The following ANO3 variants were observed in gnomAD, a reference collection of about 807,000 sequenced individuals.
The protein encoded by ANO3 is anoctamin 3.
ANO3 carries 99 observed loss-of-function variants against 144.8 expected under a neutral mutation model. The ratio of observed to expected loss-of-function variants is 0.68; its 90% CI spans 0.58 to 0.81. ANO3 has a LOEUF of 0.81. ANO3 is among the 30% of genes least tolerant of loss of function. The pLI is 0.00. For synonymous variants in ANO3, 414 were observed against 392.6 expected, an observed-to-expected ratio of 1.05 and a Z score of -0.64; for missense variants, 905 against 1,202.2, an observed-to-expected ratio of 0.75 and a Z score of 3.66.
intron 4 of ANO3, among the ~76,000 whole-genome samples, chr11:26,495,165 C>A (rs1860881759): frequency 6.6e-6 from 1 of 151,624 alleles, no homozygotes; most frequent in Non-Finnish European, 1.5e-5. Flanking sequence ...AGTACAGTGG[C>A]ACAAACACAG....
At chr11:26,342,292 CA>C (rs762931875) in intron 1 of ANO3, among the ~76,000 whole-genome samples, 187 of 152,216 alleles carry the variant, frequency 1.2e-3, no homozygotes, top group Non-Finnish European at 1.9e-3. Flanking sequence ...GTGTCGCCTC[CA>C]AAATTCGTGT....
chr11:26,437,164 C>T (rs1858325894), intron 1 of ANO3, among the ~76,000 whole-genome samples: 1 of 152,188 alleles, frequency 6.6e-6, no homozygotes, highest in Non-Finnish European at 1.5e-5. Flanking sequence ...GCTCAGCCCC[C>T]TGGACTCAGC....
chr11:26,575,291 A>C (rs1281183260), intron 14 of ANO3, among the ~76,000 whole-genome samples: 1 of 151,894 alleles, frequency 6.6e-6, no homozygotes, highest in Non-Finnish European at 1.5e-5. Flanking sequence ...TGATTACTCA[A>C]TTCTAATTGT....
chr11:26,537,511 A>G (rs570738303), intron 10 of ANO3, 50 bp downstream of exon 10: 18 of 1,445,788 alleles, frequency 1.2e-5, no homozygotes, highest in South Asian at 4.6e-5. Flanking sequence ...TTCATGCTCA[A>G]TGCTTGGTCC....
intron 8 of ANO3, among the ~76,000 whole-genome samples, chr11:26,532,776 A>G (rs293938): frequency 0.99 from 150,496 of 152,098 alleles, 74,483 homozygotes; most frequent in Middle Eastern, 1. Context: ...CACCACCTCC[A>G]AGAGACTGGC....
In ANO3 at chr11:26,499,662, C is replaced by A. The variant is rs553143118; in HGVS notation, c.433-8442C>A. On this transcript the variant is annotated intron_variant, in intron 4 of 26. Transcript: ENST00000256737. ...TTGTTTTATTTCGATTTTTATGTTG[C>A]CTATTCCTGCATGAATACCATATGT... Among the ~76,000 whole-genome samples the A allele has an allele frequency of 1.5e-4, 22 of 151,590 alleles. 1 individual carries two copies. The South Asian group carries it at 4.6e-3, about 31-fold the overall frequency.
chr11:26,524,943 G>C (rs1420382903), intron 6 of ANO3, among the ~76,000 whole-genome samples: 1 of 152,146 alleles, frequency 6.6e-6, no homozygotes, highest in Non-Finnish European at 1.5e-5. Context: ...AGAATGTCAT[G>C]TGTAACCTCT....
intron 14 of ANO3, among the ~76,000 whole-genome samples, chr11:26,585,171 T>C (rs953833629): frequency 7.9e-5 from 12 of 152,214 alleles, no homozygotes; most frequent in African/African-American, 2.9e-4. Flanking sequence ...AAAAAGAACA[T>C]AGGCAGCACA....
intron 1 of ANO3, among the ~76,000 whole-genome samples, chr11:26,200,538 T>C (rs1298795460): frequency 6.6e-6 from 1 of 152,170 alleles, no homozygotes; most frequent in Non-Finnish European, 1.5e-5. Context: ...CTTTAGAGAT[T>C]TGATGCTGAA....
chr11:26,607,984 C>T (rs549270113), intron 17 of ANO3, among the ~76,000 whole-genome samples: 30 of 152,320 alleles, frequency 2.0e-4, no homozygotes, highest in Non-Finnish European at 4.0e-4. Context: ...GCCGGAGAGG[C>T]GTTGCAATCA....
At chr11:26,513,279 C>T (rs1048652567) in intron 5 of ANO3, among the ~76,000 whole-genome samples, 2 of 152,150 alleles carry the variant, frequency 1.3e-5, no homozygotes, top group Non-Finnish European at 2.9e-5. Context: ...CATGACCCGA[C>T]TTACATTTAA....
chr11:26,453,476 A>G (rs1343086513), intron 3 of ANO3, among the ~76,000 whole-genome samples: 1 of 152,178 alleles, frequency 6.6e-6, no homozygotes, highest in Non-Finnish European at 1.5e-5. Context: ...ATCAAAAGAG[A>G]CAAAGAAGGC....
chr11:26,378,188 A>T (rs1338513995), intron 1 of ANO3, among the ~76,000 whole-genome samples: 1 of 151,650 alleles, frequency 6.6e-6, no homozygotes, highest in Non-Finnish European at 1.5e-5. Context: ...TGGTAAATAA[A>T]TATAAATCTC....
chr11:26,454,322 A>G (rs1214134168), intron 3 of ANO3, among the ~76,000 whole-genome samples: 2 of 152,306 alleles, frequency 1.3e-5, no homozygotes, highest in South Asian at 2.1e-4. Context: ...AAATTGATAG[A>G]CCACTAGCAA....
intron 24 of ANO3, among the ~76,000 whole-genome samples, chr11:26,652,091 A>G (rs1421655876): frequency 6.6e-6 from 1 of 152,112 alleles, no homozygotes; most frequent in Non-Finnish European, 1.5e-5. Flanking sequence ...GCAGAATCAC[A>G]TCGTTGGTTC....
At chr11:26,439,400 G>A (rs910948102) in intron 1 of ANO3, among the ~76,000 whole-genome samples, 1 of 152,206 alleles carries the variant, frequency 6.6e-6, no homozygotes, top group Non-Finnish European at 1.5e-5. Flanking sequence ...CATGCAGTGG[G>A]AGAAAATAGG....
chr11:26,609,329 A>C (rs893471412), intron 17 of ANO3, among the ~76,000 whole-genome samples: 2 of 77,332 alleles, frequency 2.6e-5, no homozygotes, highest in African/African-American at 7.9e-5. Context: ...TGCTATTCAC[A>C]TGCAGGATCA....
intron 1 of ANO3, among the ~76,000 whole-genome samples, chr11:26,211,930 T>C (rs1346251268): frequency 6.6e-6 from 1 of 151,930 alleles, no homozygotes. Flanking sequence ...AAGCTGGAAA[T>C]CATCATTCTC....
chr11:26,618,372 T>G (rs892524934), intron 17 of ANO3, among the ~76,000 whole-genome samples: 1 of 152,164 alleles, frequency 6.6e-6, no homozygotes, highest in African/African-American at 2.4e-5. Context: ...TATTATCCAT[T>G]TTTTGCTCAC....
Sources: allele counts gnomAD v4.1 joint callset (sites outside exome capture counted in the v4.1 genomes callset), GRCh38; gene constraint gnomAD v4.1.1; transcripts MANE v1.5; gene names NCBI Gene and HGNC (gene_info 2026-07-23, HGNC 2026-07-21).